The following CLSTN2 variants were observed in gnomAD, a reference collection of about 807,000 sequenced individuals.
The protein encoded by CLSTN2 is calsyntenin-2.
A neutral mutation model predicts 101.2 loss-of-function variants in CLSTN2; 48 were observed. The observed-to-expected ratio is 0.47, with a 90% CI of 0.38 to 0.60. CLSTN2 has a LOEUF of 0.60. Ranked by LOEUF, CLSTN2 falls within the 20% of genes least tolerant of loss-of-function variation. The pLI is 0.00. For missense variants in CLSTN2, 1,160 were observed against 1,238.2 expected, an observed-to-expected ratio of 0.94 and a Z score of 0.95; for synonymous variants, 481 against 463.6, an observed-to-expected ratio of 1.04 and a Z score of -0.48.
Position 140,576,010 on chromosome 3 carries a change from T to C in CLSTN2, c.*9757T>C, listed in dbSNP as rs905529708. On this transcript the variant is annotated 3_prime_UTR_variant, in exon 17 of 17. Coordinates refer to ENST00000458420, the MANE Select transcript of CLSTN2 (RefSeq NM_022131.3). ...AGTGGGAATAGTGCTTGGCACATAGTAGGAGTTTGGTAAACATTTGGAAAT... is the reference window on the plus strand; with the variant it reads ...AGTGGGAATAGTGCTTGGCACATAGCAGGAGTTTGGTAAACATTTGGAAAT... 1.3e-5 allele frequency: 2 copies of C among 152,196 alleles called. No individual in the cohort carries two copies. Among genetic ancestry groups the C allele is most frequent in the African/African-American group, 4.8e-5 (2 of 41,452 alleles). 9.4% of individuals were successfully genotyped at this position (152,196 alleles called of 1,614,324 possible). A position where few individuals can be genotyped will look rare whatever the true frequency, so the allele number is the denominator to read the frequency against.
chr3:140,208,248 CTT>C (rs1207207629), intron 2 of CLSTN2, among the ~76,000 whole-genome samples: 3 of 152,134 alleles, frequency 2.0e-5, no homozygotes, highest in East Asian at 3.9e-4. Flanking sequence ...CAAGGTAACT[CTT>C]TATTGAAATT....
chr3:140,309,117 A>G (rs944194486), intron 2 of CLSTN2, among the ~76,000 whole-genome samples: 1 of 152,242 alleles, frequency 6.6e-6, no homozygotes, highest in Non-Finnish European at 1.5e-5. Flanking sequence ...ATCAGGTAGG[A>G]GAGTCAAACA....
At chr3:140,556,800 G>T in intron 11 of CLSTN2, 139 bp downstream of exon 11, 2 of 765,022 alleles carry the variant, frequency 2.6e-6, no homozygotes, top group Non-Finnish European at 4.1e-6. Flanking sequence ...TTCCTCTGAG[G>T]ATGCCTCAAA....
intron 1 of CLSTN2, among the ~76,000 whole-genome samples, chr3:140,050,148 G>C (rs1384663962): frequency 2.0e-5 from 3 of 152,166 alleles, no homozygotes; most frequent in Admixed American, 1.3e-4. Context: ...GCTTGTTATT[G>C]CTATTATTTT....
At chr3:140,370,365 C>T (rs1306903157) in intron 2 of CLSTN2, among the ~76,000 whole-genome samples, 1 of 152,180 alleles carries the variant, frequency 6.6e-6, no homozygotes, top group Non-Finnish European at 1.5e-5. Context: ...AGCTTGGGGT[C>T]TCTGCCTGTA....
At chr3:140,378,100 G>C (rs535623992) in intron 2 of CLSTN2, among the ~76,000 whole-genome samples, 3 of 152,258 alleles carry the variant, frequency 2.0e-5, no homozygotes, top group African/African-American at 7.2e-5. Context: ...TGAACAACAG[G>C]CTACACCATA....
At chr3:140,152,404 C>T (rs1307767428) in intron 1 of CLSTN2, among the ~76,000 whole-genome samples, 1 of 152,142 alleles carries the variant, frequency 6.6e-6, no homozygotes, top group Non-Finnish European at 1.5e-5. Context: ...CTAATATTCC[C>T]AATTAGGTCA....
At chr3:140,487,669 C>T (rs747532326) in intron 8 of CLSTN2, among the ~76,000 whole-genome samples, 9 of 152,238 alleles carry the variant, frequency 5.9e-5, no homozygotes, top group Admixed American at 5.9e-4. Context: ...AAAAGCCTAA[C>T]GTCTGCCTCC....
chr3:140,151,193 T>C (rs1186726507), intron 1 of CLSTN2, among the ~76,000 whole-genome samples: 2 of 152,072 alleles, frequency 1.3e-5, no homozygotes, highest in African/African-American at 2.4e-5. Flanking sequence ...TATAAACAGC[T>C]TCAGGAAGGT....
At chr3:140,387,487 C>G (rs2088066053) in intron 2 of CLSTN2, among the ~76,000 whole-genome samples, 1 of 152,174 alleles carries the variant, frequency 6.6e-6, no homozygotes, top group South Asian at 2.1e-4. Flanking sequence ...ATTGCAAAAG[C>G]CTGCTTGTTA....
chr3:140,330,487 G>A (rs889062304), intron 2 of CLSTN2, among the ~76,000 whole-genome samples: 5 of 152,186 alleles, frequency 3.3e-5, no homozygotes, highest in African/African-American at 1.2e-4. Flanking sequence ...CTAAACCCCA[G>A]TTTGCCCATA....
rs1488664689 is a variant in CLSTN2, at chr3:140,573,855, T to A, written c.*7602T>A. The A allele has an allele frequency of 6.6e-6, 1 of 152,268 alleles. No individual in the cohort carries two copies. The highest frequency in any genetic ancestry group is 2.4e-5 in the African/African-American group (1 of 41,450). The allele number at this position is 152,268 out of a possible 1,614,324, so 9.4% of individuals were successfully genotyped here. On this transcript the variant is annotated 3_prime_UTR_variant, in exon 17 of 17. Coordinates refer to ENST00000458420, the MANE Select transcript of CLSTN2 (RefSeq NM_022131.3). ...CTGTTTCTGGGGAACAGAAGGGAGC[T>A]GGTACCTCTGGACCATTGAGGCAAC...
intron 1 of CLSTN2, among the ~76,000 whole-genome samples, chr3:140,046,847 A>G (rs1292421283): frequency 6.6e-6 from 1 of 151,964 alleles, no homozygotes; most frequent in Non-Finnish European, 1.5e-5. Context: ...AGAATTGTGG[A>G]AATTGTCTTT....
chr3:140,471,264 A>C (rs1472948447), intron 8 of CLSTN2, among the ~76,000 whole-genome samples: 1 of 152,138 alleles, frequency 6.6e-6, no homozygotes, highest in African/African-American at 2.4e-5. Flanking sequence ...TGGCTTTAAT[A>C]TCATTTGGAT....
At chr3:140,437,782 A>G (rs981585720) in intron 5 of CLSTN2, among the ~76,000 whole-genome samples, 1 of 152,284 alleles carries the variant, frequency 6.6e-6, no homozygotes, top group Non-Finnish European at 1.5e-5. Context: ...TTTAAAAATT[A>G]TAATTTTTTA....
chr3:140,370,430 G>T (rs933500745), intron 2 of CLSTN2, among the ~76,000 whole-genome samples: 3 of 152,086 alleles, frequency 2.0e-5, no homozygotes, highest in Admixed American at 6.6e-5. Context: ...GATTTTTCAC[G>T]CAACACAGCG....
rs113558428 is a variant in CLSTN2 at position 140,046,236 on chromosome 3, C to G, written c.109+110753C>G. The stretch of plus-strand genomic sequence containing the variant: ...TATATATTTAGGATAGTTACCTCTT[C>G]TTGTTGACTTGATCCCTTTACCATT... On this transcript the variant is annotated intron_variant, in intron 1 of 16. Coordinates refer to ENST00000458420, the MANE Select transcript of CLSTN2 (RefSeq NM_022131.3). 5.0e-3 allele frequency among the ~76,000 whole-genome samples: 754 copies of G among 150,882 alleles called. 9 individuals are homozygous for G. The highest frequency in any genetic ancestry group is 0.017 in the African/African-American group (713 of 41,248).
chr3:140,225,830 C>T (rs1358657282), intron 2 of CLSTN2, among the ~76,000 whole-genome samples: 2 of 152,026 alleles, frequency 1.3e-5, no homozygotes, highest in Admixed American at 6.6e-5. Flanking sequence ...CTCAAACTCA[C>T]ACAAATGAAA....
chr3:140,330,461 AG>A (rs1208412280), intron 2 of CLSTN2, among the ~76,000 whole-genome samples: 2 of 152,224 alleles, frequency 1.3e-5, no homozygotes, highest in African/African-American at 4.8e-5. Context: ...GTTTATTCAA[AG>A]GATCTCTGGC....
Sources: gnomAD v4.1 joint callset for allele counts (sites outside exome capture counted in the v4.1 genomes callset) on GRCh38, gnomAD v4.1.1 for gene constraint, MANE v1.5 for transcripts, NCBI Gene and HGNC (gene_info 2026-07-23, HGNC 2026-07-21) for gene names.